The following RIMS1 variants were observed in gnomAD, a reference collection of about 807,000 sequenced individuals.
RIMS1 encodes the protein regulating synaptic membrane exocytosis protein 1.
In RIMS1, 83 loss-of-function variants were observed where a neutral mutation model predicts 214.1. The observed-to-expected ratio is 0.39, with a 90% CI of 0.32 to 0.47. RIMS1 has a LOEUF of 0.47. Ranked by LOEUF, RIMS1 falls within the 20% of genes least tolerant of loss-of-function variation. RIMS1 has a pLI of 0.99. For missense variants in RIMS1, 2,050 were observed against 2,161.8 expected (o/e 0.95, Z 1.03); for synonymous variants, 793 against 786.8 (o/e 1.01, Z -0.13).
At chr6:72,245,106 T>G in intron 10 of RIMS1, among the ~76,000 whole-genome samples, 1 of 151,944 alleles carries the variant, frequency 6.6e-6, no homozygotes, top group South Asian at 2.1e-4. Context: ...GTTGAGATTA[T>G]AGTACATATA....
intron 1 of RIMS1, among the ~76,000 whole-genome samples, chr6:71,946,271 A>G (rs1382392415): frequency 6.6e-6 from 1 of 152,196 alleles, no homozygotes; most frequent in Non-Finnish European, 1.5e-5. Flanking sequence ...AAGTAAACAG[A>G]AAAATACAAT....
intron 6 of RIMS1, among the ~76,000 whole-genome samples, chr6:72,228,714 T>A (rs879771648): frequency 5.9e-5 from 9 of 151,944 alleles, no homozygotes; most frequent in Admixed American, 6.6e-5. Context: ...CTATTTTTAA[T>A]TCTTTGAGGA....
rs1403693051 is a variant in RIMS1 at position 72,237,991 on chromosome 6, A to T, written c.1957+69A>T. On this transcript the variant is annotated intron_variant, in intron 9 of 33. Transcript: ENST00000521978. ...CATGAACATGAATTGGTGGTTTTCA[A>T]TTTGGGGTTAGTTTTATATATACAT... The T allele has an allele frequency of 2.8e-6, 3 of 1,087,224 alleles. No homozygotes were observed. The South Asian group carries it at 4.4e-5, about 16-fold the overall frequency. The allele number at this position is 1,087,224 out of a possible 1,614,324, so 67.3% of individuals were successfully genotyped here.
chr6:72,082,617 T>C (rs1466722698), intron 2 of RIMS1, among the ~76,000 whole-genome samples: 1 of 152,182 alleles, frequency 6.6e-6, no homozygotes, highest in African/African-American at 2.4e-5. Flanking sequence ...CTAAGAAATA[T>C]GCTTGTGCAC....
chr6:72,122,274 G>C (rs2038540312), intron 4 of RIMS1, among the ~76,000 whole-genome samples: 1 of 138,540 alleles, frequency 7.2e-6, no homozygotes, highest in African/African-American at 2.7e-5. Flanking sequence ...GCGCTATCTT[G>C]GCTCACTGCA....
chr6:71,910,401 A>G (rs1776528065), intron 1 of RIMS1, among the ~76,000 whole-genome samples: 1 of 152,158 alleles, frequency 6.6e-6, no homozygotes. Context: ...TATGCTGACT[A>G]TGGGATCCCT....
chr6:72,208,745 C>G (rs2053332791), intron 6 of RIMS1, among the ~76,000 whole-genome samples: 2 of 152,150 alleles, frequency 1.3e-5, no homozygotes, highest in African/African-American at 4.8e-5. Context: ...ACACTACAAA[C>G]TTACCTTTTA....
chr6:72,317,826 C>T (rs541074694), intron 28 of RIMS1, among the ~76,000 whole-genome samples: 30 of 152,260 alleles, frequency 2.0e-4, no homozygotes, highest in African/African-American at 6.3e-4. Context: ...TTGGTATTTA[C>T]TGAAAATGCT....
At chr6:72,043,785 A>G (rs1200400908) in intron 2 of RIMS1, among the ~76,000 whole-genome samples, 1 of 151,710 alleles carries the variant, frequency 6.6e-6, no homozygotes, top group Non-Finnish European at 1.5e-5. Context: ...AACTCTGAAG[A>G]AGCATGGAAT....
intron 2 of RIMS1, among the ~76,000 whole-genome samples, chr6:72,078,417 T>C (rs1832439843): frequency 6.6e-6 from 1 of 152,180 alleles, no homozygotes; most frequent in Admixed American, 6.5e-5. Flanking sequence ...CCAGTTCTAT[T>C]CCCTAATACT....
intron 2 of RIMS1, among the ~76,000 whole-genome samples, chr6:71,994,367 G>T (rs1269649497): frequency 6.6e-6 from 1 of 152,128 alleles, no homozygotes; most frequent in Non-Finnish European, 1.5e-5. Context: ...GCTAGCTGTT[G>T]TTCAAATAAT....
At chr6:72,106,925 T>C (rs2034865282) in intron 4 of RIMS1, among the ~76,000 whole-genome samples, 1 of 152,216 alleles carries the variant, frequency 6.6e-6, no homozygotes, top group African/African-American at 2.4e-5. Context: ...TATCAATAAC[T>C]ACTAACTTCT....
intron 1 of RIMS1, among the ~76,000 whole-genome samples, chr6:71,947,428 C>T (rs1261145421): frequency 2.0e-5 from 3 of 152,000 alleles, no homozygotes; most frequent in Non-Finnish European, 4.4e-5. Context: ...GAACATTATG[C>T]TAATTGAAAT....
chr6:72,074,400 A>G (rs1269791300), intron 2 of RIMS1, among the ~76,000 whole-genome samples: 1 of 152,230 alleles, frequency 6.6e-6, no homozygotes, highest in East Asian at 1.9e-4. Context: ...ACAGTGGCTC[A>G]TGCCTGTAAT....
intron 4 of RIMS1, among the ~76,000 whole-genome samples, chr6:72,121,599 CAG>C (rs1348028741): frequency 6.6e-6 from 1 of 151,890 alleles, no homozygotes; most frequent in Non-Finnish European, 1.5e-5. Context: ...CATCTGCAAA[CAG>C]GGGCAATTTG....
At chr6:72,326,005 T>C (rs528919923) in intron 28 of RIMS1, among the ~76,000 whole-genome samples, 1 of 151,870 alleles carries the variant, frequency 6.6e-6, no homozygotes, top group Non-Finnish European at 1.5e-5. Context: ...TTGTGGTTAG[T>C]AACTTGTGTA....
chr6:72,221,295 T>A (rs1472801312), intron 6 of RIMS1, among the ~76,000 whole-genome samples: 2 of 149,434 alleles, frequency 1.3e-5, no homozygotes, highest in East Asian at 2.0e-4. Context: ...GGGGTGAGTG[T>A]GTGTGTGTGT....
intron 29 of RIMS1, among the ~76,000 whole-genome samples, chr6:72,335,847 C>T (rs1006031070): frequency 5.9e-5 from 9 of 151,574 alleles, no homozygotes; most frequent in South Asian, 2.1e-4. Flanking sequence ...TTTTTTCATA[C>T]GTTTGTTGGC....
At chr6:72,145,717 T>C (rs529458327) in intron 4 of RIMS1, among the ~76,000 whole-genome samples, 1 of 152,330 alleles carries the variant, frequency 6.6e-6, no homozygotes, top group Non-Finnish European at 1.5e-5. Context: ...CAAGGGGCTT[T>C]TATTGGCTCT....
Sources: allele counts gnomAD v4.1 joint callset (sites outside exome capture counted in the v4.1 genomes callset), GRCh38; gene constraint gnomAD v4.1.1; transcripts MANE v1.5; gene names NCBI Gene and HGNC (gene_info 2026-07-23, HGNC 2026-07-21).